Variants in AFF3 observed in about 807,000 individuals in gnomAD.
AFF3 encodes the protein ALF transcription elongation factor 3.
A neutral mutation model predicts 129.7 loss-of-function variants in AFF3; 32 were observed. The ratio of observed to expected loss-of-function variants is 0.25; its 90% confidence interval spans 0.19 to 0.33. AFF3 has a LOEUF of 0.33. AFF3 is among the 10% of genes least tolerant of loss of function. The pLI, the probability that AFF3 is intolerant of heterozygous loss-of-function variation, is 1.00. For synonymous variants in AFF3, 644 were observed against 635.4 expected (o/e 1.01, Z -0.20); for missense variants, 1,373 against 1,592.0 (o/e 0.86, Z 2.34).
At chr2:99,860,139 G>T (rs1015460028) in intron 7 of AFF3, among the ~76,000 whole-genome samples, 1 of 152,094 alleles carries the variant, frequency 6.6e-6, no homozygotes, top group African/African-American at 2.4e-5. Flanking sequence ...AATTGTGGCT[G>T]GGCACAGTGG....
chr2:99,707,442 T>C (rs1677505753), intron 11 of AFF3: 1 of 985,302 alleles, frequency 1.0e-6, no homozygotes, highest in South Asian at 4.7e-5. Flanking sequence ...CAGATAATTT[T>C]TTTGCATTTC....
At chr2:99,899,793 A>G (rs1046999647) in intron 7 of AFF3, among the ~76,000 whole-genome samples, 3 of 152,254 alleles carry the variant, frequency 2.0e-5, no homozygotes, top group African/African-American at 7.2e-5. Flanking sequence ...GTCCTAATGA[A>G]ATAGAAAGGC....
chr2:99,891,030 C>T (rs758972399), intron 7 of AFF3, among the ~76,000 whole-genome samples: 2 of 152,162 alleles, frequency 1.3e-5, no homozygotes, highest in African/African-American at 2.4e-5. Flanking sequence ...ATGCCACACA[C>T]GGTGGGGGTC....
At position 99,772,053 on chromosome 2, in the gene AFF3, C is replaced by T. The variant is rs567605000; in HGVS notation, c.922-19752G>A. Among the ~76,000 whole-genome samples, 6 of 152,314 alleles carry T rather than the reference C, an allele frequency of 3.9e-5. No homozygotes were observed. In the South Asian group the frequency reaches 1.2e-3, roughly 32 times the overall value. The stretch of plus-strand genomic sequence containing the variant: ...GCGGTATTCCTGCCTTCTTGGTTCT[C>T]TCGTCTCATACTCAACTCTGGTCCC... On this transcript the variant is annotated intron_variant, in intron 8 of 24. Coordinates refer to ENST00000672756, the MANE Select transcript of AFF3 (RefSeq NM_001386135.1).
chr2:99,915,275 T>C (rs1046849201), intron 7 of AFF3, among the ~76,000 whole-genome samples: 12 of 152,060 alleles, frequency 7.9e-5, no homozygotes, highest in Non-Finnish European at 1.6e-4. Context: ...CATGGATCAA[T>C]AGGGATATCA....
chr2:100,140,223 G>T (rs2105616757), intron 1 of AFF3, among the ~76,000 whole-genome samples: 1 of 152,280 alleles, frequency 6.6e-6, no homozygotes, highest in Non-Finnish European at 1.5e-5. Flanking sequence ...AAGTGCAGAA[G>T]ATAAAAGTTA....
intron 20 of AFF3, among the ~76,000 whole-genome samples, 181 bp downstream of exon 20, chr2:99,565,306 G>A (rs1032448568): frequency 6.6e-6 from 1 of 152,094 alleles, no homozygotes; most frequent in Admixed American, 6.6e-5. Flanking sequence ...CTTGCTCACG[G>A]AGGACAGAGG....
At chr2:100,023,322 A>G (rs1291685835) in intron 4 of AFF3, among the ~76,000 whole-genome samples, 2 of 152,212 alleles carry the variant, frequency 1.3e-5, no homozygotes, top group African/African-American at 4.8e-5. Context: ...AGCCTCAAGG[A>G]GTAGATCAAG....
chr2:99,822,224 A>T (rs1558884244), intron 8 of AFF3, among the ~76,000 whole-genome samples: 1 of 151,504 alleles, frequency 6.6e-6, no homozygotes, highest in Non-Finnish European at 1.5e-5. Flanking sequence ...CGCAATACTG[A>T]CTTAATGGGC....
chr2:99,560,500 A>AATTTCATCCATGTCCCTACAAAG lies in AFF3; in HGVS notation c.3120-65_3120-64insCTTTGTAGGGACATGGATGAAAT. 5 of 1,478,230 alleles carry AATTTCATCCATGTCCCTACAAAG rather than the reference A, an allele frequency of 3.4e-6. No individual in the cohort carries two copies. The South Asian group carries it at 3.5e-5, about 10-fold the overall frequency. The allele number at this position is 1,478,230 out of a possible 1,614,324, so 91.6% of individuals were successfully genotyped here. On this transcript the variant is annotated intron_variant, in intron 20 of 24. Coordinates refer to ENST00000672756, the MANE Select transcript of AFF3 (RefSeq NM_001386135.1). ...TAAAAAGCAAAGAAATAGTAAAACT[A>AATTTCATCCATGTCCCTACAAAG]GCTTTTTTATTAACAGAACTTCTAT...
chr2:100,125,240 C>T (rs1692136565), intron 2 of AFF3, among the ~76,000 whole-genome samples: 1 of 152,116 alleles, frequency 6.6e-6, no homozygotes, highest in Non-Finnish European at 1.5e-5. Context: ...ATGCAAATGT[C>T]AGACCCTGGC....
intron 7 of AFF3, among the ~76,000 whole-genome samples, chr2:99,959,591 A>G (rs1469144072): frequency 6.6e-6 from 1 of 151,142 alleles, no homozygotes; most frequent in Non-Finnish European, 1.5e-5. Context: ...CTTCCTCACA[A>G]TCCCTCTGTT....
intron 7 of AFF3, among the ~76,000 whole-genome samples, chr2:99,913,175 A>G (rs1695225067): frequency 6.6e-6 from 1 of 152,252 alleles, no homozygotes; most frequent in Non-Finnish European, 1.5e-5. Flanking sequence ...CTGTACCTAC[A>G]TACAACAGGA....
intron 8 of AFF3, among the ~76,000 whole-genome samples, chr2:99,771,459 G>C (rs1683483508): frequency 6.6e-6 from 1 of 151,526 alleles, no homozygotes; most frequent in Admixed American, 6.6e-5. Flanking sequence ...CAGCATGCCA[G>C]GGAAGATGTC....
chr2:99,595,995 A>C (rs1679246911), intron 14 of AFF3, among the ~76,000 whole-genome samples: 1 of 152,208 alleles, frequency 6.6e-6, no homozygotes, highest in Admixed American at 6.5e-5. Context: ...ATGAGGATGA[A>C]GGCCCCTTCC....
At chr2:100,106,642 T>A in intron 2 of AFF3, 1 of 986,902 alleles carries the variant, frequency 1.0e-6, no homozygotes, top group Non-Finnish European at 1.2e-6. Flanking sequence ...AAATGTGTCC[T>A]GTTCCCGTGC....
At chr2:100,001,706 GT>G (rs66461127) in intron 7 of AFF3, among the ~76,000 whole-genome samples, 38,176 of 152,182 alleles carry the variant, frequency 0.25, 7,011 homozygotes, top group African/African-American at 0.51. Context: ...GATTACAGGC[GT>G]TAAGCCACTG....
intron 7 of AFF3, among the ~76,000 whole-genome samples, chr2:99,858,422 G>T (rs997607829): frequency 4.0e-5 from 6 of 151,458 alleles, no homozygotes; most frequent in African/African-American, 1.5e-4. Flanking sequence ...ATGGTGGCAT[G>T]CACCTGTAGT....
chr2:100,108,406 G>A (rs1211133085), intron 2 of AFF3, among the ~76,000 whole-genome samples: 1 of 152,084 alleles, frequency 6.6e-6, no homozygotes, highest in African/African-American at 2.4e-5. Flanking sequence ...TGGTGTGGCT[G>A]TGCTGACTGT....
Sources: allele counts gnomAD v4.1 joint callset (sites outside exome capture counted in the v4.1 genomes callset), GRCh38; gene constraint gnomAD v4.1.1; transcripts MANE v1.5; gene names NCBI Gene and HGNC (gene_info 2026-07-23, HGNC 2026-07-21).